Variants in ANO2 observed in about 807,000 individuals in gnomAD.
The protein encoded by ANO2 is anoctamin 2, also known as anoctamin-2.
ANO2 carries 101 observed loss-of-function variants against 124.2 expected under a neutral mutation model. That is an observed-to-expected ratio of 0.81 (90% CI 0.69 to 0.96). The LOEUF (loss-of-function observed/expected upper bound fraction) is 0.96, where lower values mean the gene tolerates loss of function less well. Ranked by LOEUF, ANO2 falls within the 40% of genes least tolerant of loss-of-function variation. The pLI is 0.00. For synonymous variants in ANO2, 486 were observed against 482.5 expected, an observed-to-expected ratio of 1.01 and a Z score of -0.09; for missense variants, 1,293 against 1,274.5, an observed-to-expected ratio of 1.01 and a Z score of -0.22.
At chr12:5,618,263 C>T (rs971171696) in intron 16 of ANO2, among the ~76,000 whole-genome samples, 2 of 152,132 alleles carry the variant, frequency 1.3e-5, no homozygotes, top group Non-Finnish European at 2.9e-5. Flanking sequence ...AATCAGAGAA[C>T]GCCCATAGAC....
At chr12:5,612,353 T>C (rs1176049813) in intron 19 of ANO2, among the ~76,000 whole-genome samples, 1 of 152,200 alleles carries the variant, frequency 6.6e-6, no homozygotes, top group African/African-American at 2.4e-5. Flanking sequence ...ACTTACTCAC[T>C]GAGAGGACAA....
chr12:5,849,820 G>A (rs960811038), intron 4 of ANO2, among the ~76,000 whole-genome samples: 8 of 151,964 alleles, frequency 5.3e-5, no homozygotes, highest in African/African-American at 1.5e-4. Context: ...CTTCCTCCAC[G>A]CTCCCCTCGC....
intron 7 of ANO2, among the ~76,000 whole-genome samples, chr12:5,821,315 T>C (rs538233820): frequency 6.6e-6 from 1 of 152,354 alleles, no homozygotes; most frequent in East Asian, 1.9e-4. Flanking sequence ...TAGCCCCTTT[T>C]ACAACCAAGA....
chr12:5,897,633 G>A (rs138863280), intron 3 of ANO2, among the ~76,000 whole-genome samples: 1 of 151,962 alleles, frequency 6.6e-6, no homozygotes, highest in African/African-American at 2.4e-5. Flanking sequence ...TAATCCAGCA[G>A]AGCAATGAGG....
upstream of ANO2, chr12:5,945,350 C>A: frequency 1.1e-6 from 1 of 906,156 alleles, no homozygotes; most frequent in Non-Finnish European, 1.4e-6. Context: ...CCTCCTCCTC[C>A]CCCATCCCTC....
rs1276971665 is a variant in ANO2 at position 5,908,780 on chromosome 12, G to C, written c.534+12260C>G. ...ATCCCCAACAGCTGCTCTTCCTTTT[G>C]CTTCCATTGTAACTGTCGCTTTGTT... On this transcript the variant is annotated intron_variant, in intron 3 of 24. Transcript: ENST00000682330. This position sits in a 1 kb window ranked among gnomAD's most constrained non-coding sequence, Gnocchi z 4.7. Among the ~76,000 whole-genome samples the C allele has an allele frequency of 6.6e-6, 1 of 152,198 alleles. No individual in the cohort carries two copies. Among genetic ancestry groups the C allele is most frequent in the Non-Finnish European group, 1.5e-5 (1 of 68,040 alleles).
chr12:5,719,445 G>T (rs1007080605), intron 14 of ANO2, among the ~76,000 whole-genome samples: 7 of 152,146 alleles, frequency 4.6e-5, no homozygotes, highest in African/African-American at 1.7e-4. Context: ...ACCCCAAGGT[G>T]ATGGTGTTAA....
intron 4 of ANO2, among the ~76,000 whole-genome samples, chr12:5,843,106 A>T (rs1954572198): frequency 6.6e-6 from 1 of 152,168 alleles, no homozygotes; most frequent in Admixed American, 6.5e-5. Flanking sequence ...CCTATAGCCA[A>T]CCAACCCTAT....
intron 14 of ANO2, among the ~76,000 whole-genome samples, chr12:5,699,845 G>T (rs1479053853): frequency 1.3e-5 from 2 of 152,146 alleles, no homozygotes; most frequent in East Asian, 3.9e-4. Context: ...GACAAAGAAG[G>T]CCATTACCTA....
chr12:5,901,490 T>C (rs1037723378), intron 3 of ANO2, among the ~76,000 whole-genome samples: 2 of 152,116 alleles, frequency 1.3e-5, no homozygotes, highest in African/African-American at 4.8e-5. Flanking sequence ...AGGGAGATAT[T>C]ACGTAAGAGC....
At chr12:5,824,949 T>C (rs563519983) in intron 7 of ANO2, among the ~76,000 whole-genome samples, 3 of 151,958 alleles carry the variant, frequency 2.0e-5, no homozygotes, top group Non-Finnish European at 2.9e-5. Context: ...ATCACAAGAA[T>C]AGCATGGGAA....
At chr12:5,815,453 T>C (rs547794646) in intron 7 of ANO2, among the ~76,000 whole-genome samples, 2 of 152,270 alleles carry the variant, frequency 1.3e-5, no homozygotes, top group South Asian at 4.1e-4. Flanking sequence ...GTCATACGCC[T>C]TTATGTGGAG....
At chr12:5,761,282 T>TA (rs1458379380) in intron 10 of ANO2, among the ~76,000 whole-genome samples, 3 of 151,748 alleles carry the variant, frequency 2.0e-5, no homozygotes, top group African/African-American at 2.4e-5. Flanking sequence ...CATATGAGAC[T>TA]AAAAAAAAGA....
intron 16 of ANO2, among the ~76,000 whole-genome samples, chr12:5,628,183 C>A (rs1157841126): frequency 6.6e-6 from 1 of 152,170 alleles, no homozygotes; most frequent in Non-Finnish European, 1.5e-5. Context: ...ATAAAGCTCG[C>A]AGGACCCCAA....
intron 16 of ANO2, among the ~76,000 whole-genome samples, chr12:5,634,908 G>A (rs1945924588): frequency 6.6e-6 from 1 of 152,162 alleles, no homozygotes; most frequent in African/African-American, 2.4e-5. Flanking sequence ...CCTGTCACAT[G>A]AGGCAATCAA....
intron 4 of ANO2, among the ~76,000 whole-genome samples, chr12:5,834,918 C>CT (rs970989384): frequency 1.4e-3 from 210 of 152,088 alleles, no homozygotes; most frequent in African/African-American, 4.4e-3. Context: ...CTATAATTTG[C>CT]TTTTTTTTCA....
chr12:5,799,591 A>G lies in ANO2; in HGVS notation c.991-20T>C. On this transcript the variant is annotated intron_variant, in intron 9 of 24. Transcript: ENST00000682330. ...TAGCAGCTAAACAAAGAAAATAAGG[A>G]AACAGGTTAGAGGTAGAGATGGGAA... is the stretch of plus-strand genomic sequence containing the variant. 1 of 1,611,614 alleles carries G rather than the reference A, an allele frequency of 6.2e-7. No individual in the cohort carries two copies. Among genetic ancestry groups the G allele is most frequent in the South Asian group, 1.1e-5 (1 of 90,832 alleles).
At chr12:5,617,778 G>C (rs1045884706) in intron 16 of ANO2, among the ~76,000 whole-genome samples, 2 of 152,176 alleles carry the variant, frequency 1.3e-5, no homozygotes. Flanking sequence ...ACAGTGCCAC[G>C]CTCTCTTTCC....
intron 10 of ANO2, among the ~76,000 whole-genome samples, chr12:5,777,191 T>C (rs536054440): frequency 1.3e-5 from 2 of 152,174 alleles, no homozygotes; most frequent in Admixed American, 1.3e-4. Flanking sequence ...AGGGTCCAGT[T>C]AGCTGTAGGT....
Sources: gnomAD v4.1 joint callset for allele counts (sites outside exome capture counted in the v4.1 genomes callset) on GRCh38, gnomAD v4.1.1 for gene constraint, Gnocchi (gnomAD v3.1) non-coding constraint, MANE v1.5 for transcripts, NCBI Gene and HGNC (gene_info 2026-07-23, HGNC 2026-07-21) for gene names.